ROBO1: variants seen among roughly 807,000 people sequenced by gnomAD.
ROBO1 encodes the protein roundabout homolog 1.
Under a neutral mutation model 195.9 loss-of-function variants are expected in ROBO1, and 149 were observed. The observed-to-expected ratio is 0.76, with a 90% CI of 0.67 to 0.87. The LOEUF is 0.87. Ranked by LOEUF, ROBO1 falls within the 40% of genes least tolerant of loss-of-function variation. The pLI is 0.00. For synonymous variants in ROBO1, 816 were observed against 733.2 expected, an observed-to-expected ratio of 1.11 and a Z score of -1.82; for missense variants, 1,933 against 2,068.3, an observed-to-expected ratio of 0.93 and a Z score of 1.27.
intron 25 of ROBO1, among the ~76,000 whole-genome samples, chr3:78,630,783 C>T (rs776855197): frequency 7.9e-5 from 12 of 152,160 alleles, no homozygotes; most frequent in East Asian, 3.8e-4. Flanking sequence ...AGGATCCCAT[C>T]GTTGTGGTAT....
At chr3:78,846,854 C>G (rs909619336) in intron 4 of ROBO1, among the ~76,000 whole-genome samples, 6 of 152,092 alleles carry the variant, frequency 3.9e-5, no homozygotes, top group Non-Finnish European at 8.8e-5. Context: ...AGGTTACTTA[C>G]GTTGCTTTGA....
intron 3 of ROBO1, among the ~76,000 whole-genome samples, chr3:79,051,827 T>A (rs1405711042): frequency 1.3e-5 from 2 of 152,120 alleles, no homozygotes; most frequent in Non-Finnish European, 2.9e-5. Flanking sequence ...ATTGTGAAGA[T>A]TTCATGGACA....
chr3:78,645,146 T>C (rs1287402014), intron 21 of ROBO1, among the ~76,000 whole-genome samples: 1 of 152,130 alleles, frequency 6.6e-6, no homozygotes, highest in Non-Finnish European at 1.5e-5. Flanking sequence ...AAGTTAGCAA[T>C]ACCCAGGAAA....
At chr3:79,428,766 A>G (rs1267455303) in intron 2 of ROBO1, among the ~76,000 whole-genome samples, 1 of 152,182 alleles carries the variant, frequency 6.6e-6, no homozygotes, top group Non-Finnish European at 1.5e-5. Flanking sequence ...TGGTACCAAC[A>G]TACAGTGGAA....
At chr3:79,663,927 T>C (rs1946400973) in intron 1 of ROBO1, among the ~76,000 whole-genome samples, 2 of 152,070 alleles carry the variant, frequency 1.3e-5, no homozygotes, top group African/African-American at 4.8e-5. Flanking sequence ...TCAAATGCAC[T>C]AGAACAGCTG....
At chr3:79,346,609 T>G (rs559561712) in intron 2 of ROBO1, among the ~76,000 whole-genome samples, 1 of 152,224 alleles carries the variant, frequency 6.6e-6, no homozygotes, top group African/African-American at 2.4e-5. Flanking sequence ...ATTTTTTCTA[T>G]GTAGAGATCA....
chr3:79,759,825 A>G lies in ROBO1; in HGVS notation c.-51+7927T>C, dbSNP rs530681602. Reference sequence around the variant, plus strand: ...ATGAGGACAGATGCCAACCAGCCTTATAAACAAATGGCAGTGCTAGCCCAC... The same window carrying G: ...ATGAGGACAGATGCCAACCAGCCTTGTAAACAAATGGCAGTGCTAGCCCAC... On this transcript the variant is annotated intron_variant, in intron 1 of 30. Transcript: ENST00000464233. Among the ~76,000 whole-genome samples the G allele has an allele frequency of 5.9e-5, 9 of 152,320 alleles. No homozygotes were observed. The South Asian group carries it at 1.4e-3, about 25-fold the overall frequency.
chr3:79,556,042 G>A (rs1942687465), intron 2 of ROBO1, among the ~76,000 whole-genome samples: 1 of 152,076 alleles, frequency 6.6e-6, no homozygotes, highest in South Asian at 2.1e-4. Context: ...ATTCATGCAA[G>A]AGAATGTATT....
chr3:78,885,906 AT>A (rs944744315), intron 4 of ROBO1, among the ~76,000 whole-genome samples: 2 of 84,886 alleles, frequency 2.4e-5, no homozygotes, highest in Non-Finnish European at 4.4e-5. Context: ...TGATAGCAAA[AT>A]TTTATATATA....
At chr3:79,170,663 T>A (rs1415349066) in intron 2 of ROBO1, among the ~76,000 whole-genome samples, 1 of 152,096 alleles carries the variant, frequency 6.6e-6, no homozygotes, top group Admixed American at 6.5e-5. Context: ...GCCTCACACA[T>A]ATATTTGGTT....
At chr3:79,579,886 A>T (rs2107784363) in intron 2 of ROBO1, among the ~76,000 whole-genome samples, 1 of 152,228 alleles carries the variant, frequency 6.6e-6, no homozygotes, top group Middle Eastern at 3.4e-3. Flanking sequence ...TACCTCATGG[A>T]CAAGGGCAGC....
intron 3 of ROBO1, among the ~76,000 whole-genome samples, chr3:78,947,781 C>T (rs2040533026): frequency 6.6e-6 from 1 of 151,772 alleles, no homozygotes; most frequent in Admixed American, 6.6e-5. Context: ...GCTAGCAAGA[C>T]TAATAAAGAA....
intron 2 of ROBO1, among the ~76,000 whole-genome samples, chr3:79,247,185 T>G (rs1459706456): frequency 6.7e-6 from 1 of 148,674 alleles, no homozygotes; most frequent in Non-Finnish European, 1.5e-5. Flanking sequence ...GCTGTGAACA[T>G]AGATAGAATT....
chr3:79,717,071 A>G (rs1560127155), intron 1 of ROBO1, among the ~76,000 whole-genome samples: 2 of 152,004 alleles, frequency 1.3e-5, no homozygotes, highest in African/African-American at 4.8e-5. Flanking sequence ...CAAAGCAGAA[A>G]AGAAAGCAAG....
chr3:79,112,658 C>CA (rs1189592437), intron 3 of ROBO1, among the ~76,000 whole-genome samples: 4 of 150,300 alleles, frequency 2.7e-5, no homozygotes, highest in African/African-American at 9.8e-5. Context: ...ATCACAAGGA[C>CA]AAAAAACCAA....
chr3:79,743,212 G>A lies in ROBO1; in HGVS notation c.-51+24540C>T, dbSNP rs182032947. On this transcript the variant is annotated intron_variant, in intron 1 of 30. Transcript: ENST00000464233. Reference sequence around the variant, plus strand: ...CACAAACCTGGAGGTATAGCCTACCGCATAGCTGAGCTATAGAACATACCC... The same window carrying A: ...CACAAACCTGGAGGTATAGCCTACCACATAGCTGAGCTATAGAACATACCC... 1.3e-3 allele frequency among the ~76,000 whole-genome samples: 196 copies of A among 152,260 alleles called. 1 individual carries two copies. The highest frequency in any genetic ancestry group is 4.3e-3 in the African/African-American group (180 of 41,550).
rs1446348501 is a variant in ROBO1 at position 79,195,658 on chromosome 3, C to G, written c.89-70119G>C. ...TTTTGTATTGATAACAAAATATAAA[C>G]AGAAATTCAGTTAATAAAATTGCTT... On this transcript the variant is annotated intron_variant, in intron 2 of 30. Transcript: ENST00000464233. Among the ~76,000 whole-genome samples the G allele has an allele frequency of 3.3e-5, 5 of 151,482 alleles. No individual in the cohort carries two copies. The South Asian group carries it at 6.2e-4, about 19-fold the overall frequency.
In ROBO1 at chr3:78,688,630, G is replaced by A. The variant is rs2107840567; in HGVS notation, c.1170+18C>T. On this transcript the variant is annotated intron_variant, in intron 9 of 30. Transcript: ENST00000464233. Reference sequence around the variant, plus strand: ...ATCTTTGCTGATTTAAAAAAAAAAAGTTAGAAAAAGGTGGTACCTGACTCC... The same window carrying A: ...ATCTTTGCTGATTTAAAAAAAAAAAATTAGAAAAAGGTGGTACCTGACTCC... The A allele has an allele frequency of 6.5e-7, 1 of 1,546,076 alleles. No homozygotes were observed. The highest frequency in any genetic ancestry group is 2.2e-5 in the Admixed American group (1 of 45,706).
At chr3:79,476,437 T>C (rs781685193) in intron 2 of ROBO1, among the ~76,000 whole-genome samples, 1 of 152,160 alleles carries the variant, frequency 6.6e-6, no homozygotes, top group Non-Finnish European at 1.5e-5. Context: ...GAAGTCATTA[T>C]GCGAAAAAGA....
Sources: gnomAD v4.1 joint callset for allele counts (sites outside exome capture counted in the v4.1 genomes callset) on GRCh38, gnomAD v4.1.1 for gene constraint, MANE v1.5 for transcripts, NCBI Gene and HGNC (gene_info 2026-07-23, HGNC 2026-07-21) for gene names.